Variants in ITPR2 observed in about 807,000 individuals in gnomAD.
ITPR2 encodes the protein inositol 1,4,5-trisphosphate receptor type 2, also known as inositol 1,4,5-trisphosphate-gated calcium channel ITPR2.
ITPR2 carries 207 observed loss-of-function variants against 317.1 expected under a neutral mutation model. That is an observed-to-expected ratio of 0.65 (90% CI 0.58 to 0.73). The LOEUF (loss-of-function observed/expected upper bound fraction) is 0.73, where lower values mean the gene tolerates loss of function less well. Ranked by LOEUF, ITPR2 falls within the 30% of genes least tolerant of loss-of-function variation. The pLI, the probability that ITPR2 is intolerant of heterozygous loss-of-function variation, is 0.00. For missense variants in ITPR2, 2,613 were observed against 3,284.0 expected, an observed-to-expected ratio of 0.80 and a Z score of 4.99; for synonymous variants, 1,156 against 1,149.1, an observed-to-expected ratio of 1.01 and a Z score of -0.12.
chr12:26,660,384 A>G (rs1180954010), intron 15 of ITPR2, among the ~76,000 whole-genome samples: 1 of 152,200 alleles, frequency 6.6e-6, no homozygotes, highest in African/African-American at 2.4e-5. Flanking sequence ...CCCACGTTCT[A>G]TCTACAAGCA....
At chr12:26,612,000 A>G (rs966132329) in intron 26 of ITPR2, among the ~76,000 whole-genome samples, 5 of 152,220 alleles carry the variant, frequency 3.3e-5, no homozygotes, top group Non-Finnish European at 5.9e-5. Context: ...TATAATATAC[A>G]ATAGATAATA....
chr12:26,717,671 G>A (rs1224368456), intron 5 of ITPR2, among the ~76,000 whole-genome samples: 2 of 152,146 alleles, frequency 1.3e-5, no homozygotes, highest in Non-Finnish European at 2.9e-5. Flanking sequence ...CAAATGTGAG[G>A]GAGGGAATAG....
chr12:26,368,753 G>A (rs531382161), intron 55 of ITPR2, among the ~76,000 whole-genome samples: 3 of 152,204 alleles, frequency 2.0e-5, no homozygotes, highest in African/African-American at 4.8e-5. Flanking sequence ...TTTACTAAGC[G>A]CCCACTATGT....
At chr12:26,512,989 G>T (rs1033586557) in intron 37 of ITPR2, among the ~76,000 whole-genome samples, 2 of 151,832 alleles carry the variant, frequency 1.3e-5, no homozygotes, top group South Asian at 4.2e-4. Context: ...GAGTAGCTGG[G>T]ATTACAGGTG....
intron 45 of ITPR2, among the ~76,000 whole-genome samples, chr12:26,445,275 T>C (rs75929850): frequency 6.6e-6 from 1 of 152,134 alleles, no homozygotes; most frequent in Non-Finnish European, 1.5e-5. Flanking sequence ...TTTGGACATA[T>C]GAAGCTTTAG....
rs1947482247 is a variant in ITPR2 at position 26,660,972 on chromosome 12, T to C, written c.1714-1687A>G. On this transcript the variant is annotated intron_variant, in intron 15 of 56. Transcript: ENST00000381340. ...CTATATAATATATACTACATAATAA[T>C]AATAATATAGAACATTTTTAAATGT... Among the ~76,000 whole-genome samples, 4 of 151,312 alleles carry C rather than the reference T, an allele frequency of 2.6e-5. No homozygotes were observed. In the South Asian group the frequency reaches 8.3e-4, roughly 32 times the overall value.
At chr12:26,589,845 TATATATATACAC>T (rs1268864449) in intron 32 of ITPR2, among the ~76,000 whole-genome samples, 6 of 29,296 alleles carry the variant, frequency 2.0e-4, no homozygotes, top group African/African-American at 6.1e-4. Flanking sequence ...TATATATATA[TATATATATACAC>T]ACACACACAC....
chr12:26,431,464 A>G (rs1469346469), intron 48 of ITPR2, among the ~76,000 whole-genome samples: 1 of 152,200 alleles, frequency 6.6e-6, no homozygotes, highest in African/African-American at 2.4e-5. Context: ...TTTTTAGAGA[A>G]GCATACCTTA....
intron 13 of ITPR2, among the ~76,000 whole-genome samples, chr12:26,674,633 T>C (rs1028945577): frequency 5.9e-5 from 9 of 152,192 alleles, no homozygotes; most frequent in African/African-American, 2.2e-4. Context: ...GACATAGGCA[T>C]GGGCAAGGAC....
intron 22 of ITPR2, among the ~76,000 whole-genome samples, chr12:26,630,448 A>G (rs936594002): frequency 6.5e-5 from 8 of 123,918 alleles, no homozygotes; most frequent in East Asian, 1.4e-3. Flanking sequence ...ATGGGGGGGA[A>G]AAAAAAAAAG....
chr12:26,396,708 G>C (rs1057113915), intron 54 of ITPR2, among the ~76,000 whole-genome samples: 1 of 152,184 alleles, frequency 6.6e-6, no homozygotes, highest in Admixed American at 6.5e-5. Flanking sequence ...AATCTCTGAG[G>C]CTCAGACTCA....
rs1939740751 is a variant in ITPR2 at position 26,388,697 on chromosome 12, A to C, written c.7697-1103T>G. 2.0e-5 allele frequency among the ~76,000 whole-genome samples: 3 copies of C among 152,076 alleles called. No individual in the cohort carries two copies. In the South Asian group the frequency reaches 6.2e-4, roughly 31 times the overall value. ...CCAGCCTGAAGACCTTTTTTAAATA[A>C]TAAGATATAAAGCACAATAAGTAAA... On this transcript the variant is annotated intron_variant, in intron 54 of 56. Transcript: ENST00000381340.
At chr12:26,564,725 T>C (rs1429480355) in intron 34 of ITPR2, among the ~76,000 whole-genome samples, 2 of 152,138 alleles carry the variant, frequency 1.3e-5, no homozygotes, top group Admixed American at 6.5e-5. Context: ...CCAAAGATTG[T>C]CAGCAAACCT....
intron 39 of ITPR2, among the ~76,000 whole-genome samples, chr12:26,493,526 T>C (rs1188166945): frequency 2.0e-5 from 3 of 152,144 alleles, no homozygotes; most frequent in Non-Finnish European, 2.9e-5. Context: ...TAATTAACCA[T>C]TTATTGTATA....
chr12:26,450,347 T>C (rs559870171), intron 45 of ITPR2, among the ~76,000 whole-genome samples: 1 of 152,312 alleles, frequency 6.6e-6, no homozygotes, highest in Non-Finnish European at 1.5e-5. Flanking sequence ...TATTCATCTC[T>C]TTCTTCCCTT....
At chr12:26,471,942 C>A (rs1208141548) in intron 45 of ITPR2, among the ~76,000 whole-genome samples, 1 of 152,172 alleles carries the variant, frequency 6.6e-6, no homozygotes, top group Non-Finnish European at 1.5e-5. Flanking sequence ...TTGTGGAGGA[C>A]AATAGATTCA....
chr12:26,712,571 T>C (rs990121803), intron 8 of ITPR2, among the ~76,000 whole-genome samples: 1 of 152,108 alleles, frequency 6.6e-6, no homozygotes, highest in Non-Finnish European at 1.5e-5. Flanking sequence ...TTTGAACTCT[T>C]AAACCTTTGA....
chr12:26,664,664 T>G (rs947032600), intron 14 of ITPR2, among the ~76,000 whole-genome samples: 6 of 152,198 alleles, frequency 3.9e-5, no homozygotes, highest in Non-Finnish European at 7.4e-5. Context: ...AAAGTTTCTT[T>G]AATAATTTTG....
At chr12:26,533,239 A>C (rs1004749171) in intron 37 of ITPR2, among the ~76,000 whole-genome samples, 1 of 152,240 alleles carries the variant, frequency 6.6e-6, no homozygotes, top group Admixed American at 6.5e-5. Flanking sequence ...TGTATCTGGT[A>C]GTCATTGTCA....
Sources: allele counts gnomAD v4.1 joint callset (sites outside exome capture counted in the v4.1 genomes callset), GRCh38; gene constraint gnomAD v4.1.1; transcripts MANE v1.5; gene names NCBI Gene and HGNC (gene_info 2026-07-23, HGNC 2026-07-21).